KIF6: variants seen among roughly 807,000 people sequenced by gnomAD.
KIF6 encodes the protein kinesin-like protein KIF6.
In KIF6, 106 loss-of-function variants were observed where a neutral mutation model predicts 112.7. That is an observed-to-expected ratio of 0.94 (90% CI 0.80 to 1.11). KIF6 has a LOEUF of 1.11. Among genes scored for constraint, KIF6 ranks in the 50% least tolerant of loss-of-function variants. The pLI, the probability that KIF6 is intolerant of heterozygous loss-of-function variation, is 0.00. For synonymous variants in KIF6, 339 were observed against 339.9 expected (o/e 1.00, Z 0.03); for missense variants, 929 against 964.0 (o/e 0.96, Z 0.48).
chr6:39,561,586 G>A (rs1387122054), intron 10 of KIF6, among the ~76,000 whole-genome samples: 1 of 151,936 alleles, frequency 6.6e-6, no homozygotes, highest in Admixed American at 6.6e-5. Context: ...TTGAACTCCT[G>A]ACCTCAAGTG....
At chr6:39,649,869 T>C (rs1227708654) in intron 3 of KIF6, among the ~76,000 whole-genome samples, 1 of 152,196 alleles carries the variant, frequency 6.6e-6, no homozygotes, top group Non-Finnish European at 1.5e-5. Flanking sequence ...CAAATGGCTA[T>C]CCCACCCATC....
chr6:39,674,354 C>T (rs1045851101), intron 3 of KIF6, among the ~76,000 whole-genome samples: 1 of 152,048 alleles, frequency 6.6e-6, no homozygotes, highest in African/African-American at 2.4e-5. Context: ...AGAAGTTGAT[C>T]CTGAGCAAAA....
chr6:39,694,044 G>C (rs1457263865), intron 3 of KIF6, among the ~76,000 whole-genome samples: 1 of 151,102 alleles, frequency 6.6e-6, no homozygotes, highest in Non-Finnish European at 1.5e-5. Flanking sequence ...GATTCACCAA[G>C]TAGAATTAAA....
intron 13 of KIF6, among the ~76,000 whole-genome samples, chr6:39,520,008 TG>T (rs1411274360): frequency 6.6e-6 from 1 of 151,954 alleles, no homozygotes; most frequent in Non-Finnish European, 1.5e-5. Context: ...GGCAACAGAG[TG>T]AAACTCCATC....
chr6:39,714,758 C>A lies in KIF6; in HGVS notation c.185G>T (p.Arg62Ile). 1.2e-6 allele frequency: 2 copies of A among 1,608,376 alleles called. No homozygotes were observed. Among genetic ancestry groups the A allele is most frequent in the Non-Finnish European group, 1.7e-6 (2 of 1,174,986 alleles). ...KRESYKFKFQ[R>I]IFDQDANQET... ...TTGGTTTGCATCCTGATCAAAAATT[C>A]TTTGAAATCTGCAATGTGAAAAATA... is the stretch of plus-strand genomic sequence containing the variant. Residue 62 changes from arginine (R) to isoleucine (I), a missense_variant, in exon 3 of 23, where the codon AGA (arginine) becomes ATA (isoleucine). Arg to Ile is a moderately conservative substitution (Grantham distance 97, BLOSUM62 -3). Coordinates refer to ENST00000287152, the MANE Select transcript of KIF6 (RefSeq NM_145027.6).
chr6:39,538,523 T>C (rs1384270418), intron 13 of KIF6, among the ~76,000 whole-genome samples: 1 of 152,058 alleles, frequency 6.6e-6, no homozygotes, highest in African/African-American at 2.4e-5. Flanking sequence ...TGAGATACCA[T>C]CTTACAACAG....
At chr6:39,367,961 T>C (rs917550243) in intron 16 of KIF6, among the ~76,000 whole-genome samples, 8 of 152,132 alleles carry the variant, frequency 5.3e-5, no homozygotes, top group Non-Finnish European at 8.8e-5. Flanking sequence ...CCCTGGTGAT[T>C]CCAATGCTCA....
chr6:39,623,284 A>G (rs893662580), intron 5 of KIF6, among the ~76,000 whole-genome samples: 2 of 152,118 alleles, frequency 1.3e-5, no homozygotes, highest in African/African-American at 4.8e-5. Flanking sequence ...TTGGTTGTCT[A>G]TCCTTTCAGA....
chr6:39,474,596 A>T (rs1040323869), intron 13 of KIF6, among the ~76,000 whole-genome samples: 4 of 152,238 alleles, frequency 2.6e-5, no homozygotes, highest in Non-Finnish European at 4.4e-5. Flanking sequence ...GTAATAAGTG[A>T]TCACAAAAAA....
intron 16 of KIF6, among the ~76,000 whole-genome samples, chr6:39,377,080 CTTTTTTAT>C (rs1357106981): frequency 2.0e-5 from 3 of 151,978 alleles, no homozygotes; most frequent in Non-Finnish European, 4.4e-5. Context: ...TTCTCTTTTT[CTTTTTTAT>C]TTTTTTAAAT....
chr6:39,354,216 C>A, intron 19 of KIF6: 1 of 276,770 alleles, frequency 3.6e-6, no homozygotes, highest in Non-Finnish European at 7.2e-6. Context: ...GCTGCCCTTG[C>A]AGGGTACACA....
intron 17 of KIF6, among the ~76,000 whole-genome samples, chr6:39,361,137 A>G (rs1178653939): frequency 6.6e-6 from 1 of 152,214 alleles, no homozygotes; most frequent in Admixed American, 6.5e-5. Context: ...GCTATAATGA[A>G]TCAGAAATTG....
chr6:39,442,432 G>A (rs1039228767), intron 13 of KIF6, among the ~76,000 whole-genome samples: 1 of 152,178 alleles, frequency 6.6e-6, no homozygotes, highest in African/African-American at 2.4e-5. Context: ...TTTTGTAAAT[G>A]TTCTCATCCA....
intron 13 of KIF6, among the ~76,000 whole-genome samples, chr6:39,495,415 C>A (rs1254534415): frequency 6.6e-6 from 1 of 152,190 alleles, no homozygotes; most frequent in Non-Finnish European, 1.5e-5. Flanking sequence ...GCATCCTGCT[C>A]TCCCAGCCCC....
intron 18 of KIF6, among the ~76,000 whole-genome samples, chr6:39,357,637 C>CG (rs1764815638): frequency 6.6e-6 from 1 of 151,904 alleles, no homozygotes; most frequent in African/African-American, 2.4e-5. Flanking sequence ...ATAGTAGAGA[C>CG]GGTGTTTTGC....
rs1766665043 is a variant in KIF6, at chr6:39,378,745, T to C, written c.1861+6877A>G. Among the ~76,000 whole-genome samples, 1 of 152,046 alleles carries C rather than the reference T, an allele frequency of 6.6e-6. No homozygotes were observed. Among genetic ancestry groups the C allele is most frequent in the African/African-American group, 2.4e-5 (1 of 41,408 alleles). Reference sequence around the variant, plus strand: ...TTTAACCACAGGCACCTGTTAAGGGTTTTGATTGTGAACTGAACAAGATCC... The same window carrying C: ...TTTAACCACAGGCACCTGTTAAGGGCTTTGATTGTGAACTGAACAAGATCC... On this transcript the variant is annotated intron_variant, in intron 16 of 22. Transcript: ENST00000287152. This position sits in a 1 kb window ranked among gnomAD's most constrained non-coding sequence, Gnocchi z 5.0.
intron 15 of KIF6, among the ~76,000 whole-genome samples, chr6:39,390,852 AC>A (rs1170264813): frequency 6.6e-6 from 1 of 152,160 alleles, no homozygotes; most frequent in African/African-American, 2.4e-5. Flanking sequence ...TTTGGTACTA[AC>A]ATGGAGGATC....
At chr6:39,707,325 A>G (rs995676623) in intron 3 of KIF6, among the ~76,000 whole-genome samples, 1 of 152,158 alleles carries the variant, frequency 6.6e-6, no homozygotes, top group African/African-American at 2.4e-5. Flanking sequence ...GAGTAAGGCA[A>G]CTAGTATCTA....
At chr6:39,497,855 TAACA>T (rs1277139289) in intron 13 of KIF6, among the ~76,000 whole-genome samples, 2 of 152,226 alleles carry the variant, frequency 1.3e-5, no homozygotes. Flanking sequence ...AGTGAACATC[TAACA>T]AACAGATTAT....
Sources: allele counts gnomAD v4.1 joint callset (sites outside exome capture counted in the v4.1 genomes callset), GRCh38; gene constraint gnomAD v4.1.1; non-coding constraint Gnocchi (gnomAD v3.1); transcripts MANE v1.5; gene names NCBI Gene and HGNC (gene_info 2026-07-23, HGNC 2026-07-21).